Variants in EBF2 observed in about 807,000 individuals in gnomAD.
EBF2 encodes the protein transcription factor COE2.
A neutral mutation model predicts 72.8 loss-of-function variants in EBF2; 21 were observed. The observed-to-expected ratio is 0.29, with a 90% CI of 0.20 to 0.42. The LOEUF is 0.42. EBF2 is among the 10% of genes least tolerant of loss of function. The pLI is 1.00. For missense variants in EBF2, 637 were observed against 731.2 expected, an observed-to-expected ratio of 0.87 and a Z score of 1.49; for synonymous variants, 299 against 274.2, an observed-to-expected ratio of 1.09 and a Z score of -0.89.
chr8:25,941,366 T>C (rs763269941), intron 6 of EBF2, among the ~76,000 whole-genome samples: 5 of 151,998 alleles, frequency 3.3e-5, no homozygotes, highest in Non-Finnish European at 7.4e-5. Flanking sequence ...CCACCATGCC[T>C]GGCTAATTTT....
chr8:25,922,911 G>T (rs1332935995), intron 6 of EBF2, among the ~76,000 whole-genome samples: 1 of 151,612 alleles, frequency 6.6e-6, no homozygotes, highest in Non-Finnish European at 1.5e-5. Context: ...TTGGGTTTGT[G>T]GTTTCTCCCT....
chr8:26,002,403 G>A (rs1465196959), intron 6 of EBF2, among the ~76,000 whole-genome samples: 2 of 152,222 alleles, frequency 1.3e-5, no homozygotes, highest in Admixed American at 6.5e-5. Context: ...CTCACTGCGA[G>A]GCAGCCAGCG....
At position 25,981,678 on chromosome 8, in the gene EBF2, C is replaced by T. The variant is rs181443088; in HGVS notation, c.551+51407G>A. On this transcript the variant is annotated intron_variant, in intron 6 of 15. Coordinates refer to ENST00000520164, the MANE Select transcript of EBF2 (RefSeq NM_022659.4). Reference sequence around the variant, plus strand: ...AGGAGTGGTAGCAGGCACCTGTAATCCCAGCTACTAGGGAGGCTGAGGCAG... The same window carrying T: ...AGGAGTGGTAGCAGGCACCTGTAATTCCAGCTACTAGGGAGGCTGAGGCAG... 2.0e-3 allele frequency among the ~76,000 whole-genome samples: 301 copies of T among 152,092 alleles called. 1 individual carries two copies. The highest frequency in any genetic ancestry group is 5.2e-3 in the Admixed American group (80 of 15,292).
rs755760970 is a variant in EBF2 at position 25,861,035 on chromosome 8, A to G, written c.1342+14T>C. ...TTAGACATATTTGGATTTTGACTCT[A>G]AGAAAGGTGGTACCTTGATTATTTC... On this transcript the variant is annotated intron_variant, in intron 13 of 15. Coordinates refer to ENST00000520164, the MANE Select transcript of EBF2 (RefSeq NM_022659.4). The G allele has an allele frequency of 7.4e-6, 12 of 1,614,004 alleles. No individual in the cohort carries two copies. The highest frequency in any genetic ancestry group is 1.0e-5 in the Non-Finnish European group (12 of 1,180,016).
intron 6 of EBF2, among the ~76,000 whole-genome samples, chr8:25,908,948 G>C (rs1213269286): frequency 6.6e-6 from 1 of 152,166 alleles, no homozygotes; most frequent in East Asian, 1.9e-4. Context: ...CAGAATCCCA[G>C]GGCGTCTCGT....
Position 25,889,760 on chromosome 8 carries a change from G to A in EBF2, c.743C>T (p.Pro248Leu). The A allele has an allele frequency of 6.2e-7, 1 of 1,613,640 alleles. No individual in the cohort carries two copies. The highest frequency in any genetic ancestry group is 8.5e-7 in the Non-Finnish European group (1 of 1,179,638). The change falls in exon 8 of 16, where the codon CCA (proline) becomes CTA (leucine). Residue 248 changes from proline to leucine, a missense_variant. By Grantham distance (98) the Pro-to-Leu change is moderately conservative. Around this residue, in one of 3 missense-constraint regions of EBF2, gnomAD observed 204 missense variants for 301.2 expected, o/e 0.68. Transcript: ENST00000520164. ...AGCGCAGGCAGCCCTACCTTCCGAT[G>A]GATCGAGTCTTCTTGCTCTCCGTCC... Reference protein sequence around the residue: ...KHGRRARRLDPSEATPCIKAI... With the variant: ...KHGRRARRLDLSEATPCIKAI...
intron 6 of EBF2, among the ~76,000 whole-genome samples, chr8:25,940,301 G>A (rs1240247399): frequency 6.6e-6 from 1 of 152,178 alleles, no homozygotes; most frequent in Non-Finnish European, 1.5e-5. Context: ...TCTGAGGTAG[G>A]AATTACTAGC....
intron 10 of EBF2, among the ~76,000 whole-genome samples, chr8:25,885,391 T>C (rs1314951508): frequency 6.6e-6 from 1 of 152,204 alleles, no homozygotes. Flanking sequence ...ACCCATTAAA[T>C]GAATCCCCAA....
chr8:25,854,624 A>G (rs1270919160), intron 14 of EBF2, among the ~76,000 whole-genome samples: 1 of 152,062 alleles, frequency 6.6e-6, no homozygotes, highest in Non-Finnish European at 1.5e-5. Context: ...GTGCTTTTCA[A>G]GTTGTCTGTA....
chr8:26,026,105 A>T (rs1479726228), intron 6 of EBF2, among the ~76,000 whole-genome samples: 1 of 152,176 alleles, frequency 6.6e-6, no homozygotes, highest in African/African-American at 2.4e-5. Context: ...TAAGCCCAGG[A>T]GTTTGAGATT....
chr8:25,876,482 G>A (rs922122977), intron 10 of EBF2, among the ~76,000 whole-genome samples: 1 of 152,096 alleles, frequency 6.6e-6, no homozygotes, highest in Non-Finnish European at 1.5e-5. Flanking sequence ...ACCCTCTCAG[G>A]AGAGTAGCAA....
rs10644837 is a variant in EBF2, at chr8:26,019,296, C to CAAA, written c.551+13786_551+13788dup. 4.4e-3 allele frequency among the ~76,000 whole-genome samples: 599 copies of CAAA among 137,200 alleles called. 4 individuals carry two copies. The highest frequency in any genetic ancestry group is 0.014 in the African/African-American group (522 of 37,880). The allele number at this position is 137,200 out of a possible 152,430, so 90.0% of individuals were successfully genotyped here. A position where few individuals can be genotyped will look rare whatever the true frequency, so the allele number is the denominator to read the frequency against. ...TGGTTCCCACTGGGCCTGTAAAACT[C>CAAA]AAAAAAAAAAAAAGGTTGGCTTTGG... On this transcript the variant is annotated intron_variant, in intron 6 of 15. Transcript: ENST00000520164.
chr8:25,888,427 G>A (rs1802727485), intron 8 of EBF2, among the ~76,000 whole-genome samples: 1 of 152,244 alleles, frequency 6.6e-6, no homozygotes, highest in East Asian at 1.9e-4. Context: ...AAACACTTAG[G>A]TAATTGTGCA....
intron 6 of EBF2, among the ~76,000 whole-genome samples, chr8:25,963,918 A>C (rs1223056784): frequency 2.0e-5 from 3 of 152,212 alleles, no homozygotes; most frequent in African/African-American, 7.2e-5. Flanking sequence ...GCCTCTTGTG[A>C]ATTGCTAGGA....
At chr8:25,966,101 A>G (rs1429326183) in intron 6 of EBF2, among the ~76,000 whole-genome samples, 4 of 152,240 alleles carry the variant, frequency 2.6e-5, no homozygotes, top group Non-Finnish European at 5.9e-5. Flanking sequence ...CATTTGACCC[A>G]ACTGCAGGCC....
chr8:25,862,948 T>G (rs960551036), intron 10 of EBF2, 151 bp from the exon 11 acceptor site: 3 of 372,630 alleles, frequency 8.1e-6, no homozygotes, highest in African/African-American at 6.3e-5. Flanking sequence ...AATTCACATA[T>G]AAATTTGGAA....
intron 6 of EBF2, among the ~76,000 whole-genome samples, chr8:25,971,237 A>T (rs1270161110): frequency 6.6e-6 from 1 of 152,148 alleles, no homozygotes. Flanking sequence ...AATTCCTCCC[A>T]CCAAAAGCCA....
chr8:25,905,725 GA>G (rs1803021874), intron 7 of EBF2, among the ~76,000 whole-genome samples: 1 of 152,146 alleles, frequency 6.6e-6, no homozygotes, highest in African/African-American at 2.4e-5. Context: ...TGGGATAATA[GA>G]AAAGTTCTGG....
intron 6 of EBF2, among the ~76,000 whole-genome samples, chr8:25,983,581 T>A (rs1440124786): frequency 6.6e-6 from 1 of 152,116 alleles, no homozygotes; most frequent in African/African-American, 2.4e-5. Context: ...GGGTTGTGGG[T>A]TCCTAACACT....
Sources: gnomAD v4.1 joint callset for allele counts (sites outside exome capture counted in the v4.1 genomes callset) on GRCh38, gnomAD v4.1.1 for gene constraint, gnomAD v4.1.1 regional missense constraint, MANE v1.5 for transcripts, NCBI Gene and HGNC (gene_info 2026-07-23, HGNC 2026-07-21) for gene names.